The following BRINP1 variants were observed in gnomAD, a reference collection of about 807,000 sequenced individuals.
BRINP1 encodes BMP/retinoic acid inducible neural specific 1.
BRINP1 carries 17 observed loss-of-function variants against 72.9 expected under a neutral mutation model. That is an observed-to-expected ratio of 0.23 (90% CI 0.16 to 0.35). The LOEUF is 0.35. Among genes scored for constraint, BRINP1 ranks in the 10% least tolerant of loss-of-function variants. The pLI, the probability that BRINP1 is intolerant of heterozygous loss-of-function variation, is 1.00. For missense variants in BRINP1, 850 were observed against 1,001.6 expected, an observed-to-expected ratio of 0.85 and a Z score of 2.04; for synonymous variants, 418 against 378.5, an observed-to-expected ratio of 1.10 and a Z score of -1.21.
intron 1 of BRINP1, among the ~76,000 whole-genome samples, chr9:119,356,658 G>A (rs1386236773): frequency 6.6e-6 from 1 of 151,786 alleles, no homozygotes; most frequent in Non-Finnish European, 1.5e-5. Context: ...TACAAAAATT[G>A]GCTGGGCATG....
intron 7 of BRINP1, among the ~76,000 whole-genome samples, chr9:119,196,973 C>T (rs1476878382): frequency 6.6e-6 from 1 of 152,232 alleles, no homozygotes; most frequent in East Asian, 1.9e-4. Context: ...CCCCTCACTT[C>T]AGTGCAGCAA....
chr9:119,167,945 G>A lies in BRINP1; in HGVS notation c.1425C>T (p.Ile475=). Residue 475 remains isoleucine, a synonymous_variant, in exon 8 of 8, where the codon ATC becomes ATT. Coordinates refer to ENST00000265922, the MANE Select transcript of BRINP1 (RefSeq NM_014618.3). This position sits in a 1 kb window ranked among gnomAD's most constrained non-coding sequence, Gnocchi z 4.3. The part of the protein sequence containing the change: ...NVDSERSEQF[I]SFETDLDFQD... ...GGAAGTCCAGGTCAGTCTCAAAGCT[G>A]ATGAACTGCTCGCTCCGCTCCGAGT... 6.2e-7 allele frequency: 1 copy of A among 1,614,240 alleles called. No homozygotes were observed. The highest frequency in any genetic ancestry group is 1.1e-5 in the South Asian group (1 of 91,090).
At chr9:119,339,495 A>G (rs1329753611) in intron 1 of BRINP1, among the ~76,000 whole-genome samples, 1 of 152,246 alleles carries the variant, frequency 6.6e-6, no homozygotes, top group Non-Finnish European at 1.5e-5. Flanking sequence ...ATCAATTCCT[A>G]GAACAATGCC....
chr9:119,280,208 G>C (rs1830695447), intron 2 of BRINP1, among the ~76,000 whole-genome samples: 1 of 151,824 alleles, frequency 6.6e-6, no homozygotes. Context: ...GTTGGTTGTA[G>C]ACAGTGAGAA....
At chr9:119,181,485 G>C (rs1829557390) in intron 7 of BRINP1, among the ~76,000 whole-genome samples, 2 of 152,168 alleles carry the variant, frequency 1.3e-5, no homozygotes, top group Non-Finnish European at 2.9e-5. Context: ...CTGTCAAATG[G>C]GGAAGGTAAC....
chr9:119,259,491 C>T (rs2118932785), intron 2 of BRINP1, among the ~76,000 whole-genome samples: 1 of 152,250 alleles, frequency 6.6e-6, no homozygotes, highest in Non-Finnish European at 1.5e-5. Flanking sequence ...AGGGATTACA[C>T]AAACTGCATA....
chr9:119,202,932 C>T (rs1382433027), intron 7 of BRINP1, among the ~76,000 whole-genome samples: 1 of 152,126 alleles, frequency 6.6e-6, no homozygotes, highest in African/African-American at 2.4e-5. Flanking sequence ...TTGGACTGCA[C>T]TGAACCAGGC....
chr9:119,265,810 G>T (rs1830543129), intron 2 of BRINP1, among the ~76,000 whole-genome samples: 1 of 152,068 alleles, frequency 6.6e-6, no homozygotes, highest in African/African-American at 2.4e-5. Flanking sequence ...AGGTTTTGGT[G>T]TACAGCTCAT....
intron 7 of BRINP1, among the ~76,000 whole-genome samples, chr9:119,176,696 T>A (rs1829493768): frequency 6.6e-6 from 1 of 152,124 alleles, no homozygotes; most frequent in Non-Finnish European, 1.5e-5. Flanking sequence ...GAAAAGGTAA[T>A]AATAAAAAGT....
At chr9:119,336,573 T>C (rs1831347166) in intron 1 of BRINP1, among the ~76,000 whole-genome samples, 1 of 152,110 alleles carries the variant, frequency 6.6e-6, no homozygotes, top group Non-Finnish European at 1.5e-5. Context: ...AGAGAGTGTG[T>C]GCTGGGGAGC....
At chr9:119,217,594 ATG>A (rs1426693078) in intron 5 of BRINP1, among the ~76,000 whole-genome samples, 5 of 152,138 alleles carry the variant, frequency 3.3e-5, no homozygotes, top group African/African-American at 4.8e-5. Flanking sequence ...CATGTGGGCA[ATG>A]TATATGTGGG....
chr9:119,264,853 A>C (rs1349510478), intron 2 of BRINP1, among the ~76,000 whole-genome samples: 1 of 152,094 alleles, frequency 6.6e-6, no homozygotes, highest in Non-Finnish European at 1.5e-5. Context: ...TTGTATTTTT[A>C]GTAGAGACGG....
chr9:119,228,307 C>A (rs546280383), intron 5 of BRINP1, among the ~76,000 whole-genome samples: 1 of 151,854 alleles, frequency 6.6e-6, no homozygotes, highest in Non-Finnish European at 1.5e-5. Context: ...TACGTGTATA[C>A]ACACACACAT....
intron 1 of BRINP1, among the ~76,000 whole-genome samples, chr9:119,354,317 A>G (rs1587970886): frequency 6.6e-6 from 1 of 152,266 alleles, no homozygotes; most frequent in Non-Finnish European, 1.5e-5. Context: ...TAAACTAATG[A>G]TTTCAAGTCA....
At chr9:119,286,665 A>C (rs1370006628) in intron 2 of BRINP1, among the ~76,000 whole-genome samples, 1 of 152,242 alleles carries the variant, frequency 6.6e-6, no homozygotes, top group Non-Finnish European at 1.5e-5. Flanking sequence ...AGCTGTGTAG[A>C]CAAGATAATT....
At chr9:119,310,953 A>C (rs1288943659) in intron 2 of BRINP1, among the ~76,000 whole-genome samples, 1 of 152,202 alleles carries the variant, frequency 6.6e-6, no homozygotes, top group Non-Finnish European at 1.5e-5. Context: ...GCATATTTGC[A>C]TATGGGTTCA....
chr9:119,331,667 G>C (rs1831301437), intron 1 of BRINP1, among the ~76,000 whole-genome samples: 1 of 152,114 alleles, frequency 6.6e-6, no homozygotes, highest in South Asian at 2.1e-4. Context: ...GACCTCCATT[G>C]ATTACACAGC....
At chr9:119,347,962 G>A (rs931852272) in intron 1 of BRINP1, among the ~76,000 whole-genome samples, 2 of 152,038 alleles carry the variant, frequency 1.3e-5, no homozygotes, top group African/African-American at 2.4e-5. Flanking sequence ...AACCTACACC[G>A]ATGTATCATT....
chr9:119,236,571 A>G (rs1176608883), intron 5 of BRINP1, among the ~76,000 whole-genome samples: 1 of 152,046 alleles, frequency 6.6e-6, no homozygotes, highest in Non-Finnish European at 1.5e-5. Context: ...TTCTGTTCCA[A>G]TTATAACTCA....
Sources: gnomAD v4.1 joint callset for allele counts (sites outside exome capture counted in the v4.1 genomes callset) on GRCh38, gnomAD v4.1.1 for gene constraint, Gnocchi (gnomAD v3.1) non-coding constraint, MANE v1.5 for transcripts, NCBI Gene and HGNC (gene_info 2026-07-23, HGNC 2026-07-21) for gene names.